ZNF107: variants seen among roughly 807,000 people sequenced by gnomAD.
The protein encoded by ZNF107 is C2H2 type zinc-finger protein.
A neutral mutation model predicts 12.3 loss-of-function variants in ZNF107; 19 were observed. The observed-to-expected ratio is 1.55, with a 90% CI of 1.08 to 2.27. The LOEUF is 2.27. ZNF107 is among the 30% of genes most tolerant of loss of function. The pLI, the probability that ZNF107 is intolerant of heterozygous loss-of-function variation, is 0.00. For missense variants in ZNF107, 958 were observed against 979.9 expected (o/e 0.98, Z 0.30); for synonymous variants, 317 against 330.5 (o/e 0.96, Z 0.44).
intron 3 of ZNF107, among the ~76,000 whole-genome samples, chr7:64,699,455 C>A (rs895647144): frequency 6.6e-6 from 1 of 152,110 alleles, no homozygotes; most frequent in Non-Finnish European, 1.5e-5. Context: ...GGATCTTACT[C>A]TCACCCAGGC....
In ZNF107 at chr7:64,669,806, A is replaced by G. The variant is rs1184013630; in HGVS notation, c.3+3521A>G. On this transcript the variant is annotated intron_variant, in intron 1 of 3. Coordinates refer to ENST00000620827, the MANE Select transcript of ZNF107 (RefSeq NM_001282359.2). ...CTGTCTCAAAAAAAAAGAAAAAATA[A>G]TTTCCTTCCCATATATAAATACTGT... is the stretch of plus-strand genomic sequence containing the variant. 5.3e-5 allele frequency among the ~76,000 whole-genome samples: 8 copies of G among 152,192 alleles called. 1 individual carries two copies. The highest frequency in any genetic ancestry group is 1.2e-4 in the Non-Finnish European group (8 of 68,038).
Position 64,708,631 on chromosome 7 carries a change from A to G in ZNF107, c.2534A>G (p.Tyr845Cys). 1 of 1,589,406 alleles carries G rather than the reference A, an allele frequency of 6.3e-7. No homozygotes were observed. Among genetic ancestry groups the G allele is most frequent in the African/African-American group, 1.4e-5 (1 of 70,600 alleles). The change falls in exon 4 of 4, where the codon TAC (tyrosine) becomes TGC (cysteine). Residue 845 changes from tyrosine to cysteine, a missense_variant. Transcript: ENST00000620827. ...AAAATTCATACTGGAGAGAAACCCT[A>G]CAAATGTGAGTATGGCAAAACTTAA... ...HKKIHTGEKP[Y>C]KCEYGKT
intron 1 of ZNF107, among the ~76,000 whole-genome samples, chr7:64,676,547 C>T (rs1789419878): frequency 1.3e-5 from 2 of 152,104 alleles, no homozygotes; most frequent in African/African-American, 4.8e-5. Context: ...TTCATGTGCA[C>T]CTGTGAAAGC....
intron 1 of ZNF107, among the ~76,000 whole-genome samples, chr7:64,675,705 C>A (rs1789391634): frequency 1.3e-5 from 2 of 152,220 alleles, no homozygotes; most frequent in South Asian, 4.1e-4. Flanking sequence ...AAATTGAGAT[C>A]TTTTTAACTT....
intron 1 of ZNF107, among the ~76,000 whole-genome samples, chr7:64,685,507 G>T (rs946979492): frequency 6.6e-6 from 1 of 152,064 alleles, no homozygotes; most frequent in Non-Finnish European, 1.5e-5. Context: ...CACCACTGAC[G>T]AATGCCTCCT....
chr7:64,681,771 A>T (rs1789686152), intron 1 of ZNF107, among the ~76,000 whole-genome samples: 1 of 152,086 alleles, frequency 6.6e-6, no homozygotes, highest in African/African-American at 2.4e-5. Context: ...AAAACCAGAC[A>T]AGTCCTACAT....
At chr7:64,701,050 T>C (rs1790460816) in intron 3 of ZNF107, among the ~76,000 whole-genome samples, 1 of 152,198 alleles carries the variant, frequency 6.6e-6, no homozygotes, top group Non-Finnish European at 1.5e-5. Context: ...GCCCTATTGT[T>C]ATATATACAT....
intron 3 of ZNF107, among the ~76,000 whole-genome samples, chr7:64,703,576 C>T (rs1178118389): frequency 2.6e-5 from 4 of 151,904 alleles, no homozygotes; most frequent in African/African-American, 9.7e-5. Context: ...ATTACAGGCA[C>T]CCACCACCAT....
chr7:64,685,686 AAAC>A (rs1276149066), intron 1 of ZNF107, among the ~76,000 whole-genome samples: 1 of 152,120 alleles, frequency 6.6e-6, no homozygotes, highest in Non-Finnish European at 1.5e-5. Flanking sequence ...GGGAAAATGA[AAAC>A]AAATTCACAC....
Position 64,708,215 on chromosome 7 carries a change from A to G in ZNF107, c.2118A>G (p.Gln706=), listed in dbSNP as rs577217797. Residue 706 remains glutamine, a synonymous_variant, in exon 4 of 4, where the codon CAA becomes CAG. Transcript: ENST00000620827. Reference sequence around the variant, plus strand: ...TTCATACGGGAGAGAAACCTTACCAATGTGCAGAATGTGGCAAAGCCTTTA... The same window carrying G: ...TTCATACGGGAGAGAAACCTTACCAGTGTGCAGAATGTGGCAAAGCCTTTA... ...KRIHTGEKPY[Q]CAECGKAFNC... The G allele has an allele frequency of 2.5e-6, 4 of 1,613,372 alleles. No homozygotes were observed. The African/African-American group carries it at 4.0e-5, about 16-fold the overall frequency.
Position 64,691,357 on chromosome 7 carries a change from G to A in ZNF107, c.113G>A (p.Arg38Lys). ...LYRNVLLENYRNLVFLGIAVS... is the reference protein window; with the variant it reads ...LYRNVLLENYKNLVFLGIAVS... ...AGGAATGTGTTGTTAGAGAACTACAGAAACCTGGTCTTTTTGGGTGAGGAT... is the reference window on the plus strand; with the variant it reads ...AGGAATGTGTTGTTAGAGAACTACAAAAACCTGGTCTTTTTGGGTGAGGAT... Residue 38 changes from arginine to lysine, a missense_variant, in exon 2 of 4, where the codon AGA becomes AAA. Coordinates refer to ENST00000620827, the MANE Select transcript of ZNF107 (RefSeq NM_001282359.2). 6.7e-7 allele frequency: 1 copy of A among 1,501,798 alleles called. No homozygotes were observed. The highest frequency in any genetic ancestry group is 8.9e-7 in the Non-Finnish European group (1 of 1,127,378). 93.0% of individuals were successfully genotyped at this position (1,501,798 alleles called of 1,614,324 possible). A position where few individuals can be genotyped will look rare whatever the true frequency, so the allele number is the denominator to read the frequency against.
Position 64,706,872 on chromosome 7 carries a change from T to C in ZNF107, c.775T>C (p.Cys259Arg). 3 of 1,613,510 alleles carry C rather than the reference T, an allele frequency of 1.9e-6. No individual in the cohort carries two copies. The highest frequency in any genetic ancestry group is 2.2e-5 in the East Asian group (1 of 44,850). The stretch of plus-strand genomic sequence containing the variant: ...TCATACTGAAGAGAAACCCAACAAA[T>C]GTGAAGAATGTGGCAAGGCCTTTAA... Reference protein sequence around the residue: ...IIHTEEKPNKCEECGKAFKQA... With the variant: ...IIHTEEKPNKREECGKAFKQA... The change falls in exon 4 of 4, where the codon TGT becomes CGT. Residue 259 changes from cysteine (C) to arginine (R), a missense_variant. Cys to Arg is a radical substitution (Grantham distance 180). Coordinates refer to ENST00000620827, the MANE Select transcript of ZNF107 (RefSeq NM_001282359.2).
chr7:64,704,071 C>T (rs895107250), intron 3 of ZNF107, among the ~76,000 whole-genome samples: 1 of 151,816 alleles, frequency 6.6e-6, no homozygotes, highest in African/African-American at 2.4e-5. Flanking sequence ...CGTCTGCCCT[C>T]AACTTTGTCA....
intron 1 of ZNF107, among the ~76,000 whole-genome samples, chr7:64,669,995 C>G (rs945104966): frequency 1.5e-4 from 22 of 149,344 alleles, no homozygotes; most frequent in Middle Eastern, 3.4e-3. Flanking sequence ...TGGAAGCCTC[C>G]CCTGCTCACC....
intron 3 of ZNF107, among the ~76,000 whole-genome samples, chr7:64,701,930 A>G (rs1790489687): frequency 6.6e-6 from 1 of 152,132 alleles, no homozygotes; most frequent in South Asian, 2.1e-4. Context: ...GTTAATTTAT[A>G]TTTAAAATGA....
At chr7:64,682,419 A>G (rs1192337663) in intron 1 of ZNF107, among the ~76,000 whole-genome samples, 1 of 152,088 alleles carries the variant, frequency 6.6e-6, no homozygotes, top group Non-Finnish European at 1.5e-5. Flanking sequence ...TTATAAGCTT[A>G]CAAAAGGCAA....
intron 1 of ZNF107, chr7:64,689,721 ACT>A (rs1204864894): frequency 2.6e-5 from 4 of 152,464 alleles, no homozygotes; most frequent in African/African-American, 9.7e-5. Flanking sequence ...GTCACTGGGA[ACT>A]CTCTCACAAT....
At chr7:64,687,403 C>G in intron 1 of ZNF107, 1 of 985,424 alleles carries the variant, frequency 1.0e-6, no homozygotes, top group Non-Finnish European at 1.2e-6. Flanking sequence ...GCAACTCAGG[C>G]TTCATTCTCT....
At chr7:64,687,249 T>G (rs1321193287) in intron 1 of ZNF107, 1 of 986,114 alleles carries the variant, frequency 1.0e-6, no homozygotes, top group Non-Finnish European at 1.2e-6. Context: ...CTTGGAGCTA[T>G]CTCTATATGG....
Sources: allele counts gnomAD v4.1 joint callset (sites outside exome capture counted in the v4.1 genomes callset), GRCh38; gene constraint gnomAD v4.1.1; transcripts MANE v1.5; gene names NCBI Gene and HGNC (gene_info 2026-07-23, HGNC 2026-07-21).